Variants in RFX7 observed in about 807,000 individuals in gnomAD.
RFX7 encodes regulatory factor X7, also known as DNA-binding protein RFX7.
Under a neutral mutation model 111.8 loss-of-function variants are expected in RFX7, and 26 were observed. The observed-to-expected ratio is 0.23, with a 90% CI of 0.17 to 0.32. The LOEUF (loss-of-function observed/expected upper bound fraction) is 0.32, where lower values mean the gene tolerates loss of function less well. Ranked by LOEUF, RFX7 falls within the 10% of genes least tolerant of loss-of-function variation. The pLI is 1.00. For synonymous variants in RFX7, 624 were observed against 624.4 expected (o/e 1.00, Z 0.01); for missense variants, 1,573 against 1,772.9 (o/e 0.89, Z 2.02).
intron 5 of RFX7, among the ~76,000 whole-genome samples, chr15:56,127,844 C>G (rs2042165222): frequency 6.6e-6 from 1 of 150,904 alleles, no homozygotes; most frequent in South Asian, 2.1e-4. Flanking sequence ...CTGCGCCCGG[C>G]CGAAAAGATT....
chr15:56,105,261 T>TATCA (rs1437076813), intron 5 of RFX7, among the ~76,000 whole-genome samples: 27 of 152,214 alleles, frequency 1.8e-4, no homozygotes, highest in African/African-American at 6.5e-4. Flanking sequence ...TCATGTTCCC[T>TATCA]ATCAGTGTAA....
intron 7 of RFX7, 130 bp from the exon 8 acceptor site, chr15:56,101,696 C>A (rs1447803269): frequency 1.8e-5 from 15 of 824,710 alleles, no homozygotes; most frequent in Non-Finnish European, 2.6e-5. Context: ...ATGAATTGAC[C>A]CACTGGCAGA....
chr15:56,156,489 T>C (rs1278649014), intron 3 of RFX7, among the ~76,000 whole-genome samples: 2 of 152,056 alleles, frequency 1.3e-5, no homozygotes, highest in Non-Finnish European at 2.9e-5. Flanking sequence ...ATAGACAATA[T>C]GTTATAACAA....
chr15:56,107,693 T>G (rs1595928705), intron 5 of RFX7, among the ~76,000 whole-genome samples: 1 of 152,156 alleles, frequency 6.6e-6, no homozygotes, highest in African/African-American at 2.4e-5. Context: ...CACAGAGAGG[T>G]GCACTAATCC....
At position 56,240,451 on chromosome 15, in the gene RFX7, T is replaced by C. The variant is rs192139465; in HGVS notation, c.161+2674A>G. On this transcript the variant is annotated intron_variant, in intron 2 of 9. Transcript: ENST00000559447. ...TTTGAATGCTTTTTTTCCAGACTCATTTAATGCCTGATATTTCAATGCACA... is the reference window on the plus strand; with the variant it reads ...TTTGAATGCTTTTTTTCCAGACTCACTTAATGCCTGATATTTCAATGCACA... 8.6e-4 allele frequency among the ~76,000 whole-genome samples: 131 copies of C among 152,290 alleles called. 2 individuals are homozygous for C. Among genetic ancestry groups the C allele is most frequent in the African/African-American group, 2.9e-3 (119 of 41,576 alleles).
chr15:56,207,071 T>G (rs1448276516), intron 2 of RFX7, among the ~76,000 whole-genome samples: 1 of 152,192 alleles, frequency 6.6e-6, no homozygotes, highest in Non-Finnish European at 1.5e-5. Flanking sequence ...TCTGATGTGA[T>G]TATTACACTT....
intron 5 of RFX7, among the ~76,000 whole-genome samples, chr15:56,105,677 G>A (rs937860364): frequency 1.4e-4 from 20 of 148,114 alleles, no homozygotes; most frequent in African/African-American, 4.5e-4. Flanking sequence ...TACTTTGGCA[G>A]AAGGGGTAGG....
At chr15:56,135,364 A>G (rs2042284824) in intron 5 of RFX7, among the ~76,000 whole-genome samples, 1 of 152,228 alleles carries the variant, frequency 6.6e-6, no homozygotes, top group Non-Finnish European at 1.5e-5. Flanking sequence ...TCTGATGGCC[A>G]GTGATGATGA....
At chr15:56,103,461 C>A in intron 6 of RFX7, 93 bp downstream of exon 6, 1 of 726,914 alleles carries the variant, frequency 1.4e-6, no homozygotes, top group Non-Finnish European at 2.2e-6. Flanking sequence ...AAGTTTATTT[C>A]TAAATAAAGT....
chr15:56,185,527 G>T (rs2141149023), intron 2 of RFX7, among the ~76,000 whole-genome samples: 2 of 152,056 alleles, frequency 1.3e-5, no homozygotes, highest in East Asian at 3.9e-4. Context: ...TTTCTCTTTG[G>T]AAGTGTCAAT....
intron 2 of RFX7, among the ~76,000 whole-genome samples, chr15:56,197,596 G>A (rs76500804): frequency 0.016 from 2,389 of 151,960 alleles, 89 homozygotes; most frequent in East Asian, 0.14. Flanking sequence ...TTGTTAACCT[G>A]CTTCCTAAGT....
intron 2 of RFX7, among the ~76,000 whole-genome samples, chr15:56,215,488 A>G (rs1165642966): frequency 6.6e-6 from 1 of 152,176 alleles, no homozygotes; most frequent in African/African-American, 2.4e-5. Flanking sequence ...TAATGTGGTA[A>G]ATTATATGAA....
intron 5 of RFX7, among the ~76,000 whole-genome samples, chr15:56,134,612 T>A (rs1313164298): frequency 2.8e-4 from 16 of 57,794 alleles, no homozygotes; most frequent in East Asian, 6.8e-4. Flanking sequence ...TTTTTTTTTT[T>A]ACTTTCTTTT....
chr15:56,133,712 T>G (rs966275164), intron 5 of RFX7, among the ~76,000 whole-genome samples: 1 of 152,156 alleles, frequency 6.6e-6, no homozygotes, highest in Non-Finnish European at 1.5e-5. Context: ...TTGTAAAACT[T>G]TTAACTGTTT....
In RFX7 at chr15:56,094,825, A is replaced by G; in HGVS notation, c.2903T>C (p.Met968Thr). The change falls in exon 10 of 10, where the codon ATG becomes ACG. Residue 968 changes from methionine to threonine, a missense_variant. Met to Thr is a moderately conservative substitution (Grantham distance 81). Transcript: ENST00000559447. ...TGACAGACTCTGAGATCCAGCAATCATTTCAGATGTCGGGGTTGGGGTTGG... is the reference window on the plus strand; with the variant it reads ...TGACAGACTCTGAGATCCAGCAATCGTTTCAGATGTCGGGGTTGGGGTTGG... ...PTPTPTPTSE[M>T]IAGSQSLSRE... 2 of 1,575,480 alleles carry G rather than the reference A, an allele frequency of 1.3e-6. No homozygotes were observed. The highest frequency in any genetic ancestry group is 1.7e-6 in the Non-Finnish European group (2 of 1,160,200).
intron 5 of RFX7, among the ~76,000 whole-genome samples, chr15:56,120,453 C>T (rs1339706237): frequency 6.6e-6 from 1 of 152,066 alleles, no homozygotes; most frequent in African/African-American, 2.4e-5. Context: ...GATAATTTGA[C>T]CCTTCATTCC....
chr15:56,230,029 GGCC>G (rs374625698), intron 2 of RFX7, among the ~76,000 whole-genome samples: 8 of 151,988 alleles, frequency 5.3e-5, no homozygotes, highest in African/African-American at 1.9e-4. Context: ...TTCAGGCTTT[GGCC>G]ATAACTCAAA....
At chr15:56,181,787 C>CATAT (rs2042976346) in intron 2 of RFX7, among the ~76,000 whole-genome samples, 1 of 150,600 alleles carries the variant, frequency 6.6e-6, no homozygotes, top group Non-Finnish European at 1.5e-5. Flanking sequence ...ACTTGGTAAA[C>CATAT]CTCTAAAAAA....
chr15:56,094,617 G>A lies in RFX7; in HGVS notation c.3111C>T (p.Asp1037=), dbSNP rs188196919. ...CAGGACTACTTGAGACAATGCTGGC[G>A]TCATGATATGCCATACTGGAGCTTA... ...TPISSSMAYH[D]ASIVSSSPVK... is the part of the protein sequence containing the mutation. The change falls in exon 10 of 10, where the codon GAC becomes GAT. Residue 1037 remains aspartate (D), a synonymous_variant. Transcript: ENST00000559447. The A allele has an allele frequency of 3.8e-4, 619 of 1,613,924 alleles. 1 individual carries two copies. In the African/African-American group the frequency reaches 6.3e-3, roughly 16 times the overall value.
Sources: allele counts gnomAD v4.1 joint callset (sites outside exome capture counted in the v4.1 genomes callset), GRCh38; gene constraint gnomAD v4.1.1; transcripts MANE v1.5; gene names NCBI Gene and HGNC (gene_info 2026-07-23, HGNC 2026-07-21).